Variants in PARL observed in about 807,000 individuals in gnomAD.
The protein encoded by PARL is presenilin associated rhomboid like, also known as presenilin-associated rhomboid-like protein, mitochondrial.
In PARL, 44 loss-of-function variants were observed where a neutral mutation model predicts 51.6. That is an observed-to-expected ratio of 0.85 (90% CI 0.67 to 1.10). The LOEUF is 1.10. Among genes scored for constraint, PARL ranks in the 50% least tolerant of loss-of-function variants. The pLI is 0.00. For synonymous variants in PARL, 172 were observed against 164.0 expected (o/e 1.05, Z -0.37); for missense variants, 441 against 469.5 (o/e 0.94, Z 0.56).
intron 1 of PARL, among the ~76,000 whole-genome samples, chr3:183,878,906 G>A (rs1331910126): frequency 4.6e-5 from 7 of 152,112 alleles, no homozygotes; most frequent in Admixed American, 3.9e-4. Context: ...ACCACATGCG[G>A]CCATATTTTC....
chr3:183,846,907 G>C (rs1282022238), intron 4 of PARL, among the ~76,000 whole-genome samples: 1 of 152,230 alleles, frequency 6.6e-6, no homozygotes, highest in Non-Finnish European at 1.5e-5. Flanking sequence ...AGTTGTCAGA[G>C]GGCCAAATTC....
At chr3:183,856,767 T>C (rs1436129565) in intron 4 of PARL, among the ~76,000 whole-genome samples, 2 of 152,260 alleles carry the variant, frequency 1.3e-5, no homozygotes, top group African/African-American at 4.8e-5. Flanking sequence ...GGGGAACTTT[T>C]AGAAATCAAT....
intron 9 of PARL, among the ~76,000 whole-genome samples, chr3:183,832,976 C>T (rs758996903): frequency 1.1e-4 from 16 of 152,214 alleles, no homozygotes; most frequent in Admixed American, 5.2e-4. Context: ...CATAAGGGAA[C>T]TAGCTTGGTG....
intron 4 of PARL, among the ~76,000 whole-genome samples, chr3:183,852,326 A>C (rs976797549): frequency 6.6e-6 from 1 of 152,132 alleles, no homozygotes; most frequent in African/African-American, 2.4e-5. Flanking sequence ...AGCTTTACAA[A>C]GGAAATTTTC....
intron 4 of PARL, among the ~76,000 whole-genome samples, chr3:183,845,543 T>C (rs1401110191): frequency 3.9e-5 from 6 of 152,222 alleles, no homozygotes; most frequent in African/African-American, 1.4e-4. Context: ...TGTGACAGCA[T>C]TATACCACCT....
intron 2 of PARL, 68 bp downstream of exon 2, chr3:183,867,797 A>G: frequency 1.7e-6 from 2 of 1,175,448 alleles, no homozygotes; most frequent in African/African-American, 1.5e-5. Context: ...GGGAGCCCAA[A>G]TGGGACAAAG....
Position 183,842,347 on chromosome 3 carries a change from T to C in PARL, c.708A>G (p.Ile236Met). The change falls in exon 6 of 10, where the codon ATA becomes ATG. Residue 236 changes from isoleucine to methionine, a missense_variant. By Grantham distance (10) the Ile-to-Met change is conservative. Transcript: ENST00000317096. Reference sequence around the variant, plus strand: ...ACTGCTCTTGACCCAGAATGTTCACTATGCTGGAAGAGAAGCTCCACAAAA... The same window carrying C: ...ACTGCTCTTGACCCAGAATGTTCACCATGCTGGAAGAGAAGCTCCACAAAA... ...MYVLWSFSSS[I>M]VNILGQEQFM... 2 of 1,613,548 alleles carry C rather than the reference T, an allele frequency of 1.2e-6. No individual in the cohort carries two copies. The highest frequency in any genetic ancestry group is 1.7e-6 in the Non-Finnish European group (2 of 1,179,816).
downstream of PARL, among the ~76,000 whole-genome samples, chr3:183,827,130 G>C (rs1401755446): frequency 6.6e-6 from 1 of 152,036 alleles, no homozygotes; most frequent in Non-Finnish European, 1.5e-5. Context: ...ACCATGGAGG[G>C]TCTTGGTGGC....
chr3:183,842,807 C>CAAAAAA (rs370931513), intron 5 of PARL, among the ~76,000 whole-genome samples: 99 of 54,052 alleles, frequency 1.8e-3, no homozygotes, highest in Middle Eastern at 0.029. Context: ...GACTCTATCT[C>CAAAAAA]AAAAAAAAAA....
At chr3:183,861,921 GCAC>G (rs1560411468) in intron 4 of PARL, among the ~76,000 whole-genome samples, 1 of 152,026 alleles carries the variant, frequency 6.6e-6, no homozygotes, top group Non-Finnish European at 1.5e-5. Flanking sequence ...CCCCAGGCAC[GCAC>G]CACCACACCT....
Position 183,884,840 on chromosome 3 carries a change from A to T in PARL, c.7T>A (p.Trp3Arg). ...CAGCCTCTCTGCGCCCAGCCTCGCC[A>T]CGCCATCTTCCCAACCTCTGCCCCA... MA[W>R]RGWAQRGWGC... Residue 3 changes from tryptophan (W) to arginine (R), a missense_variant, in exon 1 of 10, where the codon TGG becomes AGG. Physicochemically the swap from Trp to Arg is moderately radical, Grantham distance 101 (BLOSUM62 -3). Coordinates refer to ENST00000317096, the MANE Select transcript of PARL (RefSeq NM_018622.7). The T allele has an allele frequency of 6.3e-7, 1 of 1,597,206 alleles. No individual in the cohort carries two copies. The highest frequency in any genetic ancestry group is 8.5e-7 in the Non-Finnish European group (1 of 1,179,262).
chr3:183,882,915 G>A (rs1416165741), intron 1 of PARL, among the ~76,000 whole-genome samples: 1 of 152,096 alleles, frequency 6.6e-6, no homozygotes, highest in Non-Finnish European at 1.5e-5. Flanking sequence ...GCCATAAGAA[G>A]TCAACATATA....
At chr3:183,876,610 TAAAAAAAAAAAAAAAAAAAAA>T (rs576376716) in intron 1 of PARL, among the ~76,000 whole-genome samples, 2 of 91,828 alleles carry the variant, frequency 2.2e-5, no homozygotes, top group African/African-American at 9.4e-5. Flanking sequence ...ATACATTTTG[TAAAAAAAAAAAAAAAAAAAAA>T]AAAAAAAGAA....
intron 4 of PARL, among the ~76,000 whole-genome samples, chr3:183,857,133 G>A (rs1731265661): frequency 6.6e-6 from 1 of 152,204 alleles, no homozygotes; most frequent in Admixed American, 6.5e-5. Flanking sequence ...GGAGGCCAAG[G>A]CAGGAGGATC....
intron 7 of PARL, among the ~76,000 whole-genome samples, chr3:183,839,127 G>A (rs754497784): frequency 6.6e-6 from 1 of 152,198 alleles, no homozygotes; most frequent in Non-Finnish European, 1.5e-5. Flanking sequence ...GGAGGCTTAA[G>A]AAAGCATGTG....
At chr3:183,852,373 T>G (rs184432721) in intron 4 of PARL, among the ~76,000 whole-genome samples, 3 of 152,086 alleles carry the variant, frequency 2.0e-5, no homozygotes, top group African/African-American at 7.2e-5. Flanking sequence ...TAAAACGCTA[T>G]GCTATGCAAA....
intron 4 of PARL, among the ~76,000 whole-genome samples, chr3:183,858,984 GCA>G (rs1731482790): frequency 6.6e-6 from 1 of 152,058 alleles, no homozygotes; most frequent in Non-Finnish European, 1.5e-5. Context: ...AAAGGGATTT[GCA>G]CAGACAGATT....
chr3:183,865,591 G>A (rs569648670), intron 3 of PARL, among the ~76,000 whole-genome samples: 23 of 152,154 alleles, frequency 1.5e-4, no homozygotes, highest in African/African-American at 3.1e-4. Context: ...TAGGTGGCAC[G>A]CTCCTTATGA....
At chr3:183,882,777 T>C (rs940629977) in intron 1 of PARL, among the ~76,000 whole-genome samples, 3 of 152,180 alleles carry the variant, frequency 2.0e-5, no homozygotes, top group African/African-American at 7.2e-5. Flanking sequence ...GGGCCTGCAG[T>C]AGTTTTCAGA....
Sources: gnomAD v4.1 joint callset for allele counts (sites outside exome capture counted in the v4.1 genomes callset) on GRCh38, gnomAD v4.1.1 for gene constraint, MANE v1.5 for transcripts, NCBI Gene and HGNC (gene_info 2026-07-23, HGNC 2026-07-21) for gene names.